The following FGFR3 variants were observed in gnomAD, a reference collection of about 807,000 sequenced individuals.
FGFR3 encodes fibroblast growth factor receptor 3.
FGFR3 carries 25 observed loss-of-function variants against 82.9 expected under a neutral mutation model. That is an observed-to-expected ratio of 0.30 (90% CI 0.22 to 0.42). The LOEUF is 0.42. FGFR3 is among the 10% of genes least tolerant of loss of function. FGFR3 has a pLI of 1.00. For missense variants in FGFR3, 1,026 were observed against 1,161.0 expected (o/e 0.88, Z 1.69); for synonymous variants, 620 against 516.0 (o/e 1.20, Z -2.73).
chr4:1,800,312 C>A (rs74972564), intron 4 of FGFR3, among the ~76,000 whole-genome samples: 1 of 151,610 alleles, frequency 6.6e-6, no homozygotes, highest in Non-Finnish European at 1.5e-5. Flanking sequence ...CGATGCCTGG[C>A]GTCCCGGCCT....
At chr4:1,805,508 G>C in intron 11 of FGFR3, 32 bp downstream of exon 11, 2 of 1,612,462 alleles carry the variant, frequency 1.2e-6, no homozygotes, top group Non-Finnish European at 1.7e-6. Flanking sequence ...GTGCAGAGCA[G>C]GGCTGGGGGC....
At position 1,803,701 on chromosome 4, in the gene FGFR3, G is replaced by C; in HGVS notation, c.940G>C (p.Ala314Pro). The C allele has an allele frequency of 6.2e-7, 1 of 1,613,506 alleles. No homozygotes were observed. Among genetic ancestry groups the C allele is most frequent in the East Asian group, 2.2e-5 (1 of 44,894 alleles). Residue 314 changes from alanine to proline, a missense_variant, in exon 8 of 18, where the codon GCT (alanine) becomes CCT (proline). Coordinates refer to ENST00000440486, the MANE Select transcript of FGFR3 (RefSeq NM_000142.5). Reference protein sequence around the residue: ...PYVTVLKTAGANTTDKELEVL... With the variant: ...PYVTVLKTAGPNTTDKELEVL... ...TGCTCTCTCTTTGTAGACGGCGGGCGCTAACACCACCGACAAGGAGCTAGA... is the reference window on the plus strand; with the variant it reads ...TGCTCTCTCTTTGTAGACGGCGGGCCCTAACACCACCGACAAGGAGCTAGA...
At chr4:1,802,413 C>T (rs1721307149) in intron 7 of FGFR3, among the ~76,000 whole-genome samples, 1 of 152,216 alleles carries the variant, frequency 6.6e-6, no homozygotes, top group African/African-American at 2.4e-5. Flanking sequence ...GATTGGCTCT[C>T]GTCAGCTGTG....
Position 1,808,482 on chromosome 4 carries a change from A to G in FGFR3, c.*1220A>G, listed in dbSNP as rs1320025646. On this transcript the variant is annotated 3_prime_UTR_variant, in exon 18 of 18. Coordinates refer to ENST00000440486, the MANE Select transcript of FGFR3 (RefSeq NM_000142.5). ...TGTCCCAGGCAGGGAGACGGTTTCCAGGGAGGGGCCGGCCCTGTGTGCAGG... is the reference window on the plus strand; with the variant it reads ...TGTCCCAGGCAGGGAGACGGTTTCCGGGGAGGGGCCGGCCCTGTGTGCAGG... 1 of 231,906 alleles carries G rather than the reference A, an allele frequency of 4.3e-6. No individual in the cohort carries two copies. Among genetic ancestry groups the G allele is most frequent in the Non-Finnish European group, 8.5e-6 (1 of 117,076 alleles). 14.4% of individuals were successfully genotyped at this position (231,906 alleles called of 1,614,324 possible).
At chr4:1,797,416 TC>T (rs1179260063) in intron 2 of FGFR3, among the ~76,000 whole-genome samples, 1 of 152,130 alleles carries the variant, frequency 6.6e-6, no homozygotes, top group African/African-American at 2.4e-5. Flanking sequence ...GGCTGCACCC[TC>T]CCCACCACAC....
rs121913112 is a variant in FGFR3, at chr4:1,805,561, G to C, written c.1537G>C (p.Asp513His). 3 of 1,613,144 alleles carry C rather than the reference G, an allele frequency of 1.9e-6. No homozygotes were observed. Among genetic ancestry groups the C allele is most frequent in the Non-Finnish European group, 2.5e-6 (3 of 1,179,832 alleles). ...VTVAVKMLKDDATDKDLSDLV... is the reference protein window; with the variant it reads ...VTVAVKMLKDHATDKDLSDLV... ...CAGGCCCCCCGCTCCGTGCACAGAC[G>C]ATGCCACTGACAAGGACCTGTCGGA... The change falls in exon 12 of 18, where the codon GAT becomes CAT. Residue 513 changes from aspartate (D) to histidine (H), a missense_variant and splice_region_variant. Transcript: ENST00000440486.
rs1378882524 is a variant in FGFR3, at chr4:1,807,998, G to T, written c.*736G>T. On this transcript the variant is annotated 3_prime_UTR_variant, in exon 18 of 18. Transcript: ENST00000440486. ...GGAGGCAGGCATGGCCCTGGGCGGG[G>T]CGTGGGGGGGCGTGGAGGGAGGCCC... 1.2e-5 allele frequency: 3 copies of T among 242,244 alleles called. No homozygotes were observed. The highest frequency in any genetic ancestry group is 1.0e-4 in the Admixed American group (2 of 19,062). The allele number at this position is 242,244 out of a possible 1,614,324, so 15.0% of individuals were successfully genotyped here. A position where few individuals can be genotyped will look rare whatever the true frequency, so the allele number is the denominator to read the frequency against.
chr4:1,802,668 C>T (rs1411978601), intron 7 of FGFR3, among the ~76,000 whole-genome samples: 2 of 152,018 alleles, frequency 1.3e-5, no homozygotes, highest in African/African-American at 2.4e-5. Context: ...TGCAAGAGCC[C>T]GGGGGAGGGC....
chr4:1,802,335 G>A (rs961285961), intron 7 of FGFR3, among the ~76,000 whole-genome samples: 2 of 152,200 alleles, frequency 1.3e-5, no homozygotes, highest in Admixed American at 6.5e-5. Context: ...AGGACAGGAG[G>A]GCAGTGTGGC....
At chr4:1,803,876 G>A (rs766074555) in intron 8 of FGFR3, 40 bp downstream of exon 8, 2 of 1,600,722 alleles carry the variant, frequency 1.2e-6, no homozygotes, top group Non-Finnish European at 8.6e-7. Context: ...GCACTGTCTG[G>A]GGGACGCTGG....
intron 2 of FGFR3, among the ~76,000 whole-genome samples, chr4:1,798,706 G>C (rs536198052): frequency 1.3e-5 from 2 of 152,086 alleles, no homozygotes; most frequent in African/African-American, 2.4e-5. Context: ...TATGGGGTGC[G>C]GGGGCTACTG....
intron 16 of FGFR3, 27 bp from the exon 17 acceptor site, chr4:1,806,802 G>C (rs1444518525): frequency 6.3e-7 from 1 of 1,586,988 alleles, no homozygotes; most frequent in Non-Finnish European, 8.6e-7. Context: ...AAGCGGCGGG[G>C]CTCACTCCTG....
At chr4:1,793,550 G>A (rs567905695) in intron 1 of FGFR3, 85 bp downstream of exon 1, 1 of 149,760 alleles carries the variant, frequency 6.7e-6, no homozygotes, top group African/African-American at 2.4e-5. Flanking sequence ...CGGAACCACA[G>A]AGGTCCCTGC....
Position 1,804,407 on chromosome 4 carries a change from C to T in FGFR3, c.1153C>T (p.Leu385=), listed in dbSNP as rs200186825. The part of the protein sequence containing the change: ...GILSYGVGFF[L]FILVVAAVTL... ...CCTCAGCTACGGGGTGGGCTTCTTCCTGTTCATCCTGGTGGTGGCGGCTGT... is the reference window on the plus strand; with the variant it reads ...CCTCAGCTACGGGGTGGGCTTCTTCTTGTTCATCCTGGTGGTGGCGGCTGT... Residue 385 remains leucine (L), a synonymous_variant, in exon 9 of 18, where the codon CTG becomes TTG. Transcript: ENST00000440486. The T allele has an allele frequency of 1.2e-6, 2 of 1,613,116 alleles. No individual in the cohort carries two copies. Among genetic ancestry groups the T allele is most frequent in the East Asian group, 2.2e-5 (1 of 44,880 alleles).
At position 1,804,898 on chromosome 4, in the gene FGFR3, G is replaced by A. The variant is rs1302543673; in HGVS notation, c.1341G>A (p.Glu447=). 3 of 1,549,978 alleles carry A rather than the reference G, an allele frequency of 1.9e-6. No individual in the cohort carries two copies. Among genetic ancestry groups the A allele is most frequent in the Admixed American group, 3.9e-5 (2 of 50,984 alleles). The stretch of plus-strand genomic sequence containing the variant: ...GCATCGCAAGGCTGTCCTCAGGGGA[G>A]GGCCCCACGCTGGCCAATGTCTCCG... ...LVRIARLSSG[E]GPTLANVSEL... is the part of the protein sequence containing the mutation. The change falls in exon 10 of 18, where the codon GAG becomes GAA. Residue 447 remains glutamate, a synonymous_variant. Transcript: ENST00000440486.
At chr4:1,794,738 C>T (rs1290251813) in intron 2 of FGFR3, among the ~76,000 whole-genome samples, 1 of 152,034 alleles carries the variant, frequency 6.6e-6, no homozygotes, top group Non-Finnish European at 1.5e-5. Flanking sequence ...GGGCGCCCGG[C>T]CGGACCTGCA....
chr4:1,799,881 C>A, intron 4 of FGFR3, 69 bp downstream of exon 4: 1 of 1,561,276 alleles, frequency 6.4e-7, no homozygotes, highest in Non-Finnish European at 8.8e-7. Flanking sequence ...CCCTGCCCTT[C>A]ACAGGCAGCT....
chr4:1,794,269 G>A (rs1340306221), intron 2 of FGFR3, among the ~76,000 whole-genome samples: 6 of 152,362 alleles, frequency 3.9e-5, no homozygotes, highest in Admixed American at 6.5e-5. Context: ...CCACCACGGG[G>A]AGCCAGGCTG....
Position 1,805,426 on chromosome 4 carries a change from A to G in FGFR3, c.1484A>G (p.Asp495Gly). Reference protein sequence around the residue: ...QVVMAEAIGIDKDRAAKPVTV... With the variant: ...QVVMAEAIGIGKDRAAKPVTV... ...GTCATGGCGGAGGCCATCGGCATTG[A>G]CAAGGACCGGGCCGCCAAGCCTGTC... The change falls in exon 11 of 18, where the codon GAC becomes GGC. Residue 495 changes from aspartate to glycine, a missense_variant. Around this residue, in one of 9 missense-constraint regions of FGFR3, gnomAD observed 164 missense variants for 167.5 expected, o/e 0.98. Coordinates refer to ENST00000440486, the MANE Select transcript of FGFR3 (RefSeq NM_000142.5). 1 of 1,612,200 alleles carries G rather than the reference A, an allele frequency of 6.2e-7. No homozygotes were observed. Among genetic ancestry groups the G allele is most frequent in the Non-Finnish European group, 8.5e-7 (1 of 1,179,520 alleles).
Sources: allele counts gnomAD v4.1 joint callset (sites outside exome capture counted in the v4.1 genomes callset), GRCh38; gene constraint gnomAD v4.1.1; regional missense constraint gnomAD v4.1.1; transcripts MANE v1.5; gene names NCBI Gene and HGNC (gene_info 2026-07-23, HGNC 2026-07-21).